SNTG2: variants seen among roughly 807,000 people sequenced by gnomAD.
SNTG2 encodes the protein gamma-2-syntrophin.
In SNTG2, 74 loss-of-function variants were observed where a neutral mutation model predicts 70.9. The observed-to-expected ratio is 1.04, with a 90% CI of 0.86 to 1.27. The LOEUF (loss-of-function observed/expected upper bound fraction) is 1.27. SNTG2 is among the 50% of genes most tolerant of loss of function. SNTG2 has a pLI of 0.00. For missense variants in SNTG2, 717 were observed against 690.7 expected (o/e 1.04, Z -0.43); for synonymous variants, 278 against 273.8 (o/e 1.02, Z -0.15).
intron 1 of SNTG2, among the ~76,000 whole-genome samples, chr2:1,064,773 A>G (rs933313226): frequency 1.3e-5 from 2 of 152,216 alleles, no homozygotes; most frequent in East Asian, 1.9e-4. Flanking sequence ...AGAATACAGT[A>G]TCCAAACAGA....
At chr2:976,250 T>C (rs539433684) in intron 1 of SNTG2, among the ~76,000 whole-genome samples, 1 of 152,350 alleles carries the variant, frequency 6.6e-6, no homozygotes, top group East Asian at 1.9e-4. Context: ...ATCAATTCTG[T>C]AAAATTTTAT....
At chr2:1,017,469 AATGCACATGC>A (rs1659936082) in intron 1 of SNTG2, among the ~76,000 whole-genome samples, 1 of 152,216 alleles carries the variant, frequency 6.6e-6, no homozygotes, top group Non-Finnish European at 1.5e-5. Context: ...CATGCAAACA[AATGCACATGC>A]ATGCACACAT....
intron 1 of SNTG2, among the ~76,000 whole-genome samples, chr2:979,411 C>CCCG (rs1661025871): frequency 6.6e-6 from 1 of 152,122 alleles, no homozygotes; most frequent in South Asian, 2.1e-4. Flanking sequence ...CATAGGCATC[C>CCCG]CCGGAAGGCA....
chr2:1,249,265 A>G (rs932921219), intron 12 of SNTG2, among the ~76,000 whole-genome samples: 1 of 152,220 alleles, frequency 6.6e-6, no homozygotes, highest in Non-Finnish European at 1.5e-5. Context: ...ATCGATAACT[A>G]AAAATAGGTA....
intron 2 of SNTG2, among the ~76,000 whole-genome samples, chr2:1,095,212 A>G (rs984261000): frequency 8.5e-5 from 13 of 152,286 alleles, no homozygotes; most frequent in African/African-American, 2.9e-4. Context: ...CCTACCTCCA[A>G]TGCAGTCACA....
intron 6 of SNTG2, among the ~76,000 whole-genome samples, chr2:1,145,654 A>G (rs1290576468): frequency 1.3e-5 from 2 of 152,216 alleles, no homozygotes; most frequent in African/African-American, 4.8e-5. Flanking sequence ...ATTGTCTACA[A>G]TCACTTTCAG....
intron 14 of SNTG2, among the ~76,000 whole-genome samples, chr2:1,287,087 G>A (rs1333821751): frequency 2.0e-5 from 3 of 152,186 alleles, no homozygotes; most frequent in Non-Finnish European, 4.4e-5. Context: ...ACTCTGGGTT[G>A]GGGAGGAGAA....
chr2:1,058,927 C>T (rs559150425), intron 1 of SNTG2, among the ~76,000 whole-genome samples: 1 of 152,318 alleles, frequency 6.6e-6, no homozygotes, highest in Non-Finnish European at 1.5e-5. Context: ...GGCTGCTGCA[C>T]AACTGTCTCC....
At chr2:1,236,501 C>T (rs1424773641) in intron 9 of SNTG2, among the ~76,000 whole-genome samples, 1 of 152,240 alleles carries the variant, frequency 6.6e-6, no homozygotes, top group Non-Finnish European at 1.5e-5. Flanking sequence ...TCCACACAGT[C>T]ACCTCCACCT....
At chr2:973,082 CTTTG>C (rs1338343720) in intron 1 of SNTG2, among the ~76,000 whole-genome samples, 1 of 152,162 alleles carries the variant, frequency 6.6e-6, no homozygotes, top group Non-Finnish European at 1.5e-5. Context: ...CTAGTACATT[CTTTG>C]TTTGATTTCA....
intron 12 of SNTG2, among the ~76,000 whole-genome samples, chr2:1,253,130 C>T (rs1677860597): frequency 6.6e-6 from 1 of 152,112 alleles, no homozygotes; most frequent in Admixed American, 6.6e-5. Context: ...CCCATCCCTG[C>T]CCCAGAGTTC....
At chr2:1,061,677 C>T (rs558026077) in intron 1 of SNTG2, among the ~76,000 whole-genome samples, 80 of 152,278 alleles carry the variant, frequency 5.3e-4, no homozygotes, top group African/African-American at 1.8e-3. Context: ...CTCTGAGTAA[C>T]GAAGTCCTTT....
intron 9 of SNTG2, among the ~76,000 whole-genome samples, chr2:1,216,062 A>T (rs1340159677): frequency 2.6e-5 from 4 of 152,170 alleles, no homozygotes; most frequent in Non-Finnish European, 5.9e-5. Flanking sequence ...TCCTTTGGGT[A>T]TATACCCAGT....
intron 8 of SNTG2, among the ~76,000 whole-genome samples, chr2:1,199,531 C>T (rs573533662): frequency 8.1e-4 from 123 of 151,984 alleles, no homozygotes; most frequent in Non-Finnish European, 1.5e-3. Context: ...AACAATGAAG[C>T]AGGAGAAAGA....
At position 1,178,617 on chromosome 2, in the gene SNTG2, G is replaced by A. The variant is rs1443729527; in HGVS notation, c.591+5434G>A. On this transcript the variant is annotated intron_variant, in intron 8 of 16. Transcript: ENST00000308624. The stretch of plus-strand genomic sequence containing the variant: ...TGATGGATTATGTTCATTGATTTGC[G>A]TATGTTGAACCAGGCTTGCATCCCA... Among the ~76,000 whole-genome samples, 89 of 152,230 alleles carry A rather than the reference G, an allele frequency of 5.8e-4. 1 individual carries two copies. The highest frequency in any genetic ancestry group is 1.6e-3 in the African/African-American group (65 of 41,512).
At chr2:1,215,550 C>CTT (rs11462408) in intron 9 of SNTG2, among the ~76,000 whole-genome samples, 4 of 150,938 alleles carry the variant, frequency 2.7e-5, no homozygotes, top group Middle Eastern at 3.5e-3. Context: ...TCTTTTTTTT[C>CTT]TTTTTTTTCT....
At chr2:951,108 C>A in intron 1 of SNTG2, 40 bp downstream of exon 1, 4 of 1,010,612 alleles carry the variant, frequency 4.0e-6, no homozygotes, top group Non-Finnish European at 5.1e-6. Context: ...CTCCGGCCCC[C>A]CTTCCCTCTC....
At chr2:1,218,019 C>T (rs948293464) in intron 9 of SNTG2, among the ~76,000 whole-genome samples, 9 of 151,968 alleles carry the variant, frequency 5.9e-5, no homozygotes, top group African/African-American at 2.2e-4. Context: ...GGGTTGCTGG[C>T]AGAATTCAGT....
chr2:1,129,428 G>A (rs78013514), intron 4 of SNTG2, among the ~76,000 whole-genome samples: 8,415 of 152,250 alleles, frequency 0.055, 328 homozygotes, highest in Admixed American at 0.082. Context: ...TTCCTTCCCA[G>A]GGAAATGTGT....
Sources: allele counts gnomAD v4.1 joint callset (sites outside exome capture counted in the v4.1 genomes callset), GRCh38; gene constraint gnomAD v4.1.1; transcripts MANE v1.5; gene names NCBI Gene and HGNC (gene_info 2026-07-23, HGNC 2026-07-21).